PREX2: variants seen among roughly 807,000 people sequenced by gnomAD.
PREX2 encodes the protein phosphatidylinositol-3,4,5-trisphosphate dependent Rac exchange factor 2.
A neutral mutation model predicts 203.2 loss-of-function variants in PREX2; 107 were observed. That is an observed-to-expected ratio of 0.53 (90% confidence interval 0.45 to 0.62). The LOEUF (loss-of-function observed/expected upper bound fraction) is 0.62, where lower values mean the gene tolerates loss of function less well. Ranked by LOEUF, PREX2 falls within the 20% of genes least tolerant of loss-of-function variation. The probability of loss-of-function intolerance (pLI) is 0.00; values close to 1 mark genes in which losing one functional copy is unlikely to be tolerated. For synonymous variants in PREX2, 672 were observed against 663.6 expected (o/e 1.01, Z -0.19); for missense variants, 1,777 against 1,955.9 (o/e 0.91, Z 1.72).
intron 35 of PREX2, among the ~76,000 whole-genome samples, chr8:68,180,633 G>A (rs1812065853): frequency 6.6e-6 from 1 of 152,112 alleles, no homozygotes; most frequent in Non-Finnish European, 1.5e-5. Context: ...GGGAAAGTAG[G>A]TGAGCACCAA....
At chr8:68,185,391 C>G (rs1812170171) in intron 35 of PREX2, among the ~76,000 whole-genome samples, 1 of 152,158 alleles carries the variant, frequency 6.6e-6, no homozygotes, top group Non-Finnish European at 1.5e-5. Flanking sequence ...TGTACCTGCT[C>G]TGTTGTTTAG....
intron 37 of PREX2, among the ~76,000 whole-genome samples, chr8:68,200,206 GA>G (rs1184396850): frequency 5.3e-5 from 8 of 151,930 alleles, no homozygotes; most frequent in African/African-American, 1.9e-4. Flanking sequence ...GTCCCCAAAA[GA>G]AGTTATAAAA....
chr8:67,991,632 A>G (rs1240537852), intron 1 of PREX2, among the ~76,000 whole-genome samples: 13 of 152,158 alleles, frequency 8.5e-5, no homozygotes, highest in African/African-American at 2.9e-4. Flanking sequence ...CCCATGATTC[A>G]ATTACCTCCA....
At chr8:67,960,251 A>G (rs1319452697) in intron 1 of PREX2, among the ~76,000 whole-genome samples, 5 of 152,142 alleles carry the variant, frequency 3.3e-5, no homozygotes, top group Admixed American at 3.3e-4. Flanking sequence ...CGTGTTGTCC[A>G]GGCTGGTCTC....
intron 7 of PREX2, among the ~76,000 whole-genome samples, chr8:68,039,149 C>T (rs1211497957): frequency 6.6e-6 from 1 of 152,182 alleles, no homozygotes; most frequent in East Asian, 1.9e-4. Flanking sequence ...AGCAGACTTT[C>T]TTGCAGGAGT....
chr8:68,038,134 A>T, intron 6 of PREX2, 25 bp from the exon 7 acceptor site: 1 of 1,606,124 alleles, frequency 6.2e-7, no homozygotes, highest in Non-Finnish European at 8.5e-7. Flanking sequence ...GTAAGCAGAC[A>T]TTAATTGCAT....
At chr8:68,003,889 G>A (rs1173970028) in intron 1 of PREX2, among the ~76,000 whole-genome samples, 3 of 127,956 alleles carry the variant, frequency 2.3e-5, no homozygotes, top group Non-Finnish European at 4.7e-5. Flanking sequence ...TCACCCTCTC[G>A]CCAGGCTGGA....
At chr8:68,172,782 A>G (rs572952612) in intron 35 of PREX2, among the ~76,000 whole-genome samples, 1 of 152,312 alleles carries the variant, frequency 6.6e-6, no homozygotes, top group South Asian at 2.1e-4. Flanking sequence ...CAAGAGGAAG[A>G]GGGACCTGGA....
chr8:68,204,243 T>A (rs728032), intron 37 of PREX2, among the ~76,000 whole-genome samples: 1 of 151,904 alleles, frequency 6.6e-6, no homozygotes, highest in African/African-American at 2.4e-5. Context: ...AGAAGGTCCC[T>A]AATCACCTCT....
chr8:68,209,855 C>G lies in PREX2; in HGVS notation c.4605-7761C>G, dbSNP rs747391699. On this transcript the variant is annotated intron_variant, in intron 37 of 39. Transcript: ENST00000288368. ...CAGCTGATCAAACTATTGTTTGGAC[C>G]ATGATCCCTTCAACTCAGAAAACCC... Among the ~76,000 whole-genome samples the G allele has an allele frequency of 1.4e-4, 22 of 152,254 alleles. No individual in the cohort carries two copies. In the South Asian group the frequency reaches 1.7e-3, roughly 11 times the overall value.
At chr8:68,016,987 T>C (rs1807425045) in intron 1 of PREX2, among the ~76,000 whole-genome samples, 1 of 152,182 alleles carries the variant, frequency 6.6e-6, no homozygotes, top group Non-Finnish European at 1.5e-5. Context: ...TATACTCTTA[T>C]TAGCCATGTC....
At chr8:67,978,256 T>C (rs2129609108) in intron 1 of PREX2, among the ~76,000 whole-genome samples, 1 of 152,070 alleles carries the variant, frequency 6.6e-6, no homozygotes, top group East Asian at 1.9e-4. Flanking sequence ...GTTGTGAGAG[T>C]ATCATAGGAG....
chr8:68,199,152 G>A (rs1407233972), intron 37 of PREX2, among the ~76,000 whole-genome samples: 3 of 152,018 alleles, frequency 2.0e-5, no homozygotes, highest in African/African-American at 4.8e-5. Flanking sequence ...GGGTTCACCA[G>A]CACCCAGTTC....
rs771529120 is a variant in PREX2 at position 68,052,317 on chromosome 8, C to T, written c.944-780C>T. 5.3e-5 allele frequency among the ~76,000 whole-genome samples: 8 copies of T among 152,184 alleles called. No homozygotes were observed. In the South Asian group the frequency reaches 1.2e-3, roughly 24 times the overall value. On this transcript the variant is annotated intron_variant, in intron 8 of 39. Transcript: ENST00000288368. ...CAGGGACTGTCATGCCAGTAAAGGT[C>T]GTTTGCAAGTTATGTCACTATTCTC...
chr8:67,992,532 C>A (rs772788502), intron 1 of PREX2, among the ~76,000 whole-genome samples: 13 of 152,114 alleles, frequency 8.5e-5, no homozygotes, highest in South Asian at 6.2e-4. Context: ...AGATATTGAA[C>A]CTTTTAAAAA....
chr8:67,952,317 C>A lies in PREX2; in HGVS notation c.-78C>A. The A allele has an allele frequency of 8.0e-7, 1 of 1,246,754 alleles. No homozygotes were observed. The highest frequency in any genetic ancestry group is 1.0e-6 in the Non-Finnish European group (1 of 980,498). The allele number at this position is 1,246,754 out of a possible 1,614,324, so 77.2% of individuals were successfully genotyped here. A position where few individuals can be genotyped will look rare whatever the true frequency, so the allele number is the denominator to read the frequency against. On this transcript the variant is annotated 5_prime_UTR_variant, in exon 1 of 40. Transcript: ENST00000288368. ...GGCGGCAACTTTCCATTCTCGCCGC[C>A]GGGGGCCGGGCAGCAGCGGGCGCGC...
At chr8:68,217,958 A>ATTCT (rs60806828) in intron 38 of PREX2, among the ~76,000 whole-genome samples, 1 of 152,224 alleles carries the variant, frequency 6.6e-6, no homozygotes, top group South Asian at 2.1e-4. Flanking sequence ...ATCTGCAGGC[A>ATTCT]GAAAGGGACT....
At chr8:67,997,730 G>C (rs1466087227) in intron 1 of PREX2, among the ~76,000 whole-genome samples, 1 of 151,976 alleles carries the variant, frequency 6.6e-6, no homozygotes, top group East Asian at 1.9e-4. Context: ...TAAGATATCA[G>C]TTCTCAGTAT....
chr8:68,109,952 A>C (rs146887443), intron 25 of PREX2, among the ~76,000 whole-genome samples: 4 of 152,184 alleles, frequency 2.6e-5, no homozygotes, highest in Non-Finnish European at 5.9e-5. Context: ...ATTTCCTTGT[A>C]TTCTTTGTAG....
Sources: allele counts gnomAD v4.1 joint callset (sites outside exome capture counted in the v4.1 genomes callset), GRCh38; gene constraint gnomAD v4.1.1; transcripts MANE v1.5; gene names NCBI Gene and HGNC (gene_info 2026-07-23, HGNC 2026-07-21).